The following OTUD7A variants were observed in gnomAD, a reference collection of about 807,000 sequenced individuals.
The protein encoded by OTUD7A is OTU deubiquitinase 7A, also known as OTU domain-containing protein 7A.
In OTUD7A, 12 loss-of-function variants were observed where a neutral mutation model predicts 65.7. The observed-to-expected ratio is 0.18, with a 90% CI of 0.12 to 0.30. OTUD7A has a LOEUF of 0.30. Ranked by LOEUF, OTUD7A falls within the 10% of genes least tolerant of loss-of-function variation. The probability of loss-of-function intolerance (pLI) is 1.00; values close to 1 mark genes in which losing one functional copy is unlikely to be tolerated. For missense variants in OTUD7A, 1,148 were observed against 1,304.8 expected (o/e 0.88, Z 1.85); for synonymous variants, 641 against 586.3 (o/e 1.09, Z -1.35).
chr15:31,821,303 CTTTT>C, intron 1 of OTUD7A, among the ~76,000 whole-genome samples: 1 of 113,176 alleles, frequency 8.8e-6, no homozygotes, highest in Non-Finnish European at 1.7e-5. Flanking sequence ...GCCCAGGTAC[CTTTT>C]TTTTTTTTTT....
intron 1 of OTUD7A, among the ~76,000 whole-genome samples, chr15:31,799,508 A>G (rs562726566): frequency 2.6e-5 from 4 of 152,262 alleles, no homozygotes; most frequent in African/African-American, 9.6e-5. Context: ...TGATAGGATT[A>G]GTGCTCTTAT....
intron 1 of OTUD7A, among the ~76,000 whole-genome samples, chr15:31,804,940 G>A (rs1896229933): frequency 6.6e-6 from 1 of 152,230 alleles, no homozygotes; most frequent in Non-Finnish European, 1.5e-5. Flanking sequence ...AATGGGTACA[G>A]CACATAATAA....
intron 1 of OTUD7A, among the ~76,000 whole-genome samples, chr15:31,722,430 T>C (rs1893765182): frequency 6.6e-6 from 1 of 152,216 alleles, no homozygotes; most frequent in Non-Finnish European, 1.5e-5. Flanking sequence ...CAGACATGGG[T>C]GCCCACCGAC....
chr15:31,643,272 A>G (rs192623815), intron 3 of OTUD7A, among the ~76,000 whole-genome samples: 83 of 152,334 alleles, frequency 5.4e-4, no homozygotes, highest in African/African-American at 1.9e-3. Context: ...GGCATGCACC[A>G]CTGCACCTGG....
At chr15:31,563,609 C>T (rs1665826174) in intron 4 of OTUD7A, among the ~76,000 whole-genome samples, 3 of 152,202 alleles carry the variant, frequency 2.0e-5, no homozygotes, top group Admixed American at 2.0e-4. Flanking sequence ...CAGCCCTGTG[C>T]CAGCTGGAGA....
At chr15:31,853,650 C>T (rs1040303173) in intron 1 of OTUD7A, among the ~76,000 whole-genome samples, 1 of 151,874 alleles carries the variant, frequency 6.6e-6, no homozygotes, top group African/African-American at 2.4e-5. Flanking sequence ...GAGAGAAAGG[C>T]AGCAAATGTA....
chr15:31,525,200 A>G (rs969231603), intron 8 of OTUD7A, among the ~76,000 whole-genome samples: 2 of 152,218 alleles, frequency 1.3e-5, no homozygotes, highest in African/African-American at 4.8e-5. Flanking sequence ...GGAACACTTA[A>G]GACCCATCAC....
At chr15:31,761,886 G>A (rs1216122404) in intron 1 of OTUD7A, among the ~76,000 whole-genome samples, 3 of 152,140 alleles carry the variant, frequency 2.0e-5, no homozygotes, top group Admixed American at 1.3e-4. Flanking sequence ...AACATTAAGT[G>A]AAAGAAGCCA....
chr15:31,751,849 T>C (rs1894645175), intron 1 of OTUD7A, among the ~76,000 whole-genome samples: 1 of 152,076 alleles, frequency 6.6e-6, no homozygotes, highest in African/African-American at 2.4e-5. Context: ...ATATTGGGTA[T>C]GCACAGACAT....
chr15:31,650,985 G>A (rs1891817502), intron 3 of OTUD7A, among the ~76,000 whole-genome samples: 1 of 149,448 alleles, frequency 6.7e-6, no homozygotes, highest in African/African-American at 2.5e-5. Flanking sequence ...TGAAGATGAT[G>A]GAGGAAGTAG....
intron 1 of OTUD7A, among the ~76,000 whole-genome samples, chr15:31,671,408 T>C (rs1287920326): frequency 6.6e-6 from 1 of 152,228 alleles, no homozygotes; most frequent in African/African-American, 2.4e-5. Flanking sequence ...CTCTATTCTG[T>C]TCCATTGGTC....
At chr15:31,530,864 G>C in intron 5 of OTUD7A, 56 bp from the exon 6 acceptor site, 1 of 1,471,882 alleles carries the variant, frequency 6.8e-7, no homozygotes. Context: ...GGCCACTGGG[G>C]GTGTTTGCTA....
At chr15:31,836,426 A>G (rs1018125484) in intron 1 of OTUD7A, among the ~76,000 whole-genome samples, 2 of 152,222 alleles carry the variant, frequency 1.3e-5, no homozygotes, top group African/African-American at 2.4e-5. Flanking sequence ...GATTCAGAAG[A>G]TCTAAACAAA....
At position 31,482,078 on chromosome 15, in the gene OTUD7A, T is replaced by C. The variant is rs1456081925; in HGVS notation, c.*1216A>G. On this transcript the variant is annotated 3_prime_UTR_variant, in exon 13 of 13. Transcript: ENST00000307050. ...GTAATCTTGGAAGGAAGAGGCTGCA[T>C]ATTGCTGCTCAAAACAGGGTAGCTA... is the stretch of plus-strand genomic sequence containing the variant. The C allele has an allele frequency of 6.6e-6, 1 of 152,270 alleles. No homozygotes were observed. Among genetic ancestry groups the C allele is most frequent in the Non-Finnish European group, 1.5e-5 (1 of 68,046 alleles). The allele number at this position is 152,270 out of a possible 1,614,324, so 9.4% of individuals were successfully genotyped here.
rs759424823 is a variant in OTUD7A, at chr15:31,478,247, G to A, written c.*5047C>T. 1.3e-5 allele frequency: 2 copies of A among 152,196 alleles called. No individual in the cohort carries two copies. Among genetic ancestry groups the A allele is most frequent in the African/African-American group, 2.4e-5 (1 of 41,434 alleles). The allele number at this position is 152,196 out of a possible 1,614,324, so 9.4% of individuals were successfully genotyped here. A position where few individuals can be genotyped will look rare whatever the true frequency, so the allele number is the denominator to read the frequency against. On this transcript the variant is annotated 3_prime_UTR_variant, in exon 13 of 13. Coordinates refer to ENST00000307050, the MANE Select transcript of OTUD7A (RefSeq NM_001382637.1). Reference sequence around the variant, plus strand: ...CTAAAACAGCTGGTTTCACTCATTTGTCCTCATTAAATAGGTTGCTTTGGT... The same window carrying A: ...CTAAAACAGCTGGTTTCACTCATTTATCCTCATTAAATAGGTTGCTTTGGT...
chr15:31,772,502 A>G (rs539110554), intron 1 of OTUD7A, among the ~76,000 whole-genome samples: 1 of 152,342 alleles, frequency 6.6e-6, no homozygotes, highest in African/African-American at 2.4e-5. Context: ...CATGCACTGC[A>G]TACACCAGGG....
Position 31,768,328 on chromosome 15 carries a change from C to T in OTUD7A, c.-100+102179G>A, listed in dbSNP as rs1895142941. The T allele has an allele frequency of 1.5e-5, 9 of 605,638 alleles. No individual in the cohort carries two copies. In the East Asian group the frequency reaches 1.9e-4, roughly 13 times the overall value. 37.5% of individuals were successfully genotyped at this position (605,638 alleles called of 1,614,324 possible). On this transcript the variant is annotated intron_variant, in intron 1 of 12. Transcript: ENST00000307050. ...CCAACTTGTATAGCATAGAGGGCTG[C>T]GTGGATTGGCCTCACAATTTCTATA...
At chr15:31,616,649 A>T (rs1192166462) in intron 3 of OTUD7A, among the ~76,000 whole-genome samples, 1 of 152,138 alleles carries the variant, frequency 6.6e-6, no homozygotes, top group Admixed American at 6.5e-5. Flanking sequence ...GGCTCAAGCG[A>T]TTCTCCTGCC....
intron 5 of OTUD7A, among the ~76,000 whole-genome samples, chr15:31,538,667 G>A (rs983200333): frequency 5.3e-5 from 8 of 152,148 alleles, no homozygotes; most frequent in Non-Finnish European, 7.3e-5. Flanking sequence ...TTCAAAAGCC[G>A]TATTACTGAG....
Sources: gnomAD v4.1 joint callset for allele counts (sites outside exome capture counted in the v4.1 genomes callset) on GRCh38, gnomAD v4.1.1 for gene constraint, MANE v1.5 for transcripts, NCBI Gene and HGNC (gene_info 2026-07-23, HGNC 2026-07-21) for gene names.